Variants in GTF2H1 observed in about 807,000 individuals in gnomAD.
The protein encoded by GTF2H1 is general transcription factor IIH subunit 1.
GTF2H1 carries 16 observed loss-of-function variants against 71.2 expected under a neutral mutation model. The observed-to-expected ratio is 0.22, with a 90% CI of 0.15 to 0.34. GTF2H1 has a LOEUF of 0.34. GTF2H1 is among the 10% of genes least tolerant of loss of function. The probability of loss-of-function intolerance (pLI) is 1.00; values close to 1 mark genes in which losing one functional copy is unlikely to be tolerated. For missense variants in GTF2H1, 498 were observed against 648.2 expected, an observed-to-expected ratio of 0.77 and a Z score of 2.52; for synonymous variants, 215 against 219.0, an observed-to-expected ratio of 0.98 and a Z score of 0.16.
chr11:18,337,592 G>A (rs558746852), intron 3 of GTF2H1, among the ~76,000 whole-genome samples: 3 of 152,082 alleles, frequency 2.0e-5, no homozygotes, highest in African/African-American at 7.2e-5. Context: ...TGGATCAGAA[G>A]TACTTGGGAA....
intron 1 of GTF2H1, among the ~76,000 whole-genome samples, chr11:18,327,629 T>A (rs1454446515): frequency 6.6e-6 from 1 of 152,198 alleles, no homozygotes; most frequent in Non-Finnish European, 1.5e-5. Context: ...TGATGGAGAA[T>A]ACTCTGTCAC....
At chr11:18,357,007 G>C (rs1310576813) in intron 11 of GTF2H1, among the ~76,000 whole-genome samples, 1 of 151,910 alleles carries the variant, frequency 6.6e-6, no homozygotes, top group African/African-American at 2.4e-5. Context: ...TGCCCAGGCT[G>C]GTATCTGACA....
chr11:18,341,149 A>C, intron 5 of GTF2H1, 112 bp from the exon 6 acceptor site: 1 of 716,282 alleles, frequency 1.4e-6, no homozygotes, highest in Non-Finnish European at 2.3e-6. Context: ...TATAGTATGT[A>C]GAGTTGAGAG....
chr11:18,348,337 G>A (rs1865347499), intron 9 of GTF2H1: 1 of 252,000 alleles, frequency 4.0e-6, no homozygotes, highest in East Asian at 7.2e-5. Context: ...AGCTGAAAGT[G>A]TCTTCTCATT....
intron 13 of GTF2H1, among the ~76,000 whole-genome samples, chr11:18,359,267 C>T (rs1004941999): frequency 3.3e-5 from 5 of 152,134 alleles, no homozygotes; most frequent in African/African-American, 4.8e-5. Flanking sequence ...TGGCCAAGCA[C>T]GGTGGCTCAC....
At chr11:18,355,334 G>A (rs909959064) in intron 11 of GTF2H1, among the ~76,000 whole-genome samples, 5 of 151,332 alleles carry the variant, frequency 3.3e-5, no homozygotes, top group Non-Finnish European at 7.4e-5. Flanking sequence ...TAGTAGCAAC[G>A]GGGTTTCACC....
chr11:18,326,545 C>T (rs1400804234), intron 1 of GTF2H1, among the ~76,000 whole-genome samples: 3 of 151,268 alleles, frequency 2.0e-5, no homozygotes, highest in Non-Finnish European at 2.9e-5. Context: ...TTATGTTTTT[C>T]CCAGTTGCTG....
intron 3 of GTF2H1, 71 bp downstream of exon 3, chr11:18,336,017 T>C: frequency 1.9e-6 from 2 of 1,055,194 alleles, no homozygotes; most frequent in Non-Finnish European, 2.7e-6. Context: ...GCTAATAGCT[T>C]GTTAGCTATC....
chr11:18,341,207 G>A, intron 5 of GTF2H1, 54 bp from the exon 6 acceptor site: 1 of 1,415,980 alleles, frequency 7.1e-7, no homozygotes, highest in Non-Finnish European at 9.8e-7. Context: ...CCTAATTTGA[G>A]AGGTTTTAAA....
chr11:18,359,462 T>C (rs1865645684), intron 13 of GTF2H1, among the ~76,000 whole-genome samples: 1 of 152,232 alleles, frequency 6.6e-6, no homozygotes, highest in African/African-American at 2.4e-5. Context: ...TGATCAATGT[T>C]GACCAAGTAG....
chr11:18,357,907 A>T (rs1185093875), intron 11 of GTF2H1, 45 bp from the exon 12 acceptor site: 1 of 1,193,842 alleles, frequency 8.4e-7, no homozygotes, highest in East Asian at 2.4e-5. Context: ...GGCAAAAAAA[A>T]AAAAGGGAGG....
intron 14 of GTF2H1, 65 bp from the exon 15 acceptor site, chr11:18,365,718 T>C (rs1485999164): frequency 9.7e-7 from 1 of 1,032,732 alleles, no homozygotes; most frequent in East Asian, 2.4e-5. Context: ...GTGCCAGATT[T>C]GGGTTGGAAG....
intron 1 of GTF2H1, among the ~76,000 whole-genome samples, chr11:18,326,450 A>T (rs1864768587): frequency 6.6e-6 from 1 of 151,748 alleles, no homozygotes; most frequent in South Asian, 2.1e-4. Flanking sequence ...TGAATCCGGG[A>T]GGTGGAGGTT....
At chr11:18,345,024 T>C (rs1865254632) in intron 7 of GTF2H1, among the ~76,000 whole-genome samples, 3 of 151,656 alleles carry the variant, frequency 2.0e-5, no homozygotes, top group African/African-American at 7.3e-5. Flanking sequence ...TAAACTTTTT[T>C]TTTTTTTAAT....
In GTF2H1 at chr11:18,348,139, T is replaced by TTTTGTTTG. The variant is rs4150640; in HGVS notation, c.1053+236_1053+243dup. ...TAGCCTGTTAGCCATTTTTATTGTT[T>TTTTGTTTG]TTTGTTTGTTTGTTTGTTTGTTTTC... On this transcript the variant is annotated intron_variant, in intron 9 of 14. Transcript: ENST00000265963. 1.4e-5 allele frequency: 8 copies of TTTTGTTTG among 579,874 alleles called. No homozygotes were observed. The African/African-American group carries it at 1.5e-4, about 11-fold the overall frequency. The allele number at this position is 579,874 out of a possible 1,614,324, so 35.9% of individuals were successfully genotyped here. A position where few individuals can be genotyped will look rare whatever the true frequency, so the allele number is the denominator to read the frequency against.
chr11:18,335,677 T>C, intron 2 of GTF2H1, 77 bp from the exon 3 acceptor site: 1 of 1,027,182 alleles, frequency 9.7e-7, no homozygotes. Context: ...TGAATCATCT[T>C]GGGAGAAGTA....
At chr11:18,339,786 G>A (rs758141601) in intron 5 of GTF2H1, 129 bp downstream of exon 5, 3 of 599,998 alleles carry the variant, frequency 5.0e-6, no homozygotes, top group Non-Finnish European at 8.7e-6. Context: ...TTTACCCAGT[G>A]CCTGACATAT....
chr11:18,327,471 T>G (rs1864793644), intron 1 of GTF2H1, among the ~76,000 whole-genome samples: 1 of 152,256 alleles, frequency 6.6e-6, no homozygotes. Context: ...GAAAGCCTCT[T>G]GATTTCTCAG....
chr11:18,364,908 T>TTG (rs1393619073), intron 14 of GTF2H1, among the ~76,000 whole-genome samples: 1 of 151,956 alleles, frequency 6.6e-6, no homozygotes, highest in Non-Finnish European at 1.5e-5. Context: ...TTCAGGAGAA[T>TTG]AAGGCATTTT....
Sources: allele counts gnomAD v4.1 joint callset (sites outside exome capture counted in the v4.1 genomes callset), GRCh38; gene constraint gnomAD v4.1.1; transcripts MANE v1.5; gene names NCBI Gene and HGNC (gene_info 2026-07-23, HGNC 2026-07-21).